GPR141: variants seen among roughly 807,000 people sequenced by gnomAD.
GPR141 encodes the protein probable G protein-coupled receptor 141.
A neutral mutation model predicts 6.8 loss-of-function variants in GPR141; 6 were observed. That is an observed-to-expected ratio of 0.88 (90% CI 0.48 to 1.74). The LOEUF is 1.74. Among genes scored for constraint, GPR141 ranks in the 40% most tolerant of loss-of-function variants. The probability of loss-of-function intolerance (pLI) is 0.01; values close to 1 mark genes in which losing one functional copy is unlikely to be tolerated. For synonymous variants in GPR141, 140 were observed against 142.3 expected (o/e 0.98, Z 0.11); for missense variants, 372 against 372.9 (o/e 1.00, Z 0.02).
chr7:37,708,827 A>G (rs1330423081), intron 2 of GPR141, among the ~76,000 whole-genome samples: 2 of 152,164 alleles, frequency 1.3e-5, no homozygotes, highest in African/African-American at 4.8e-5. Context: ...ATAGATTACA[A>G]TGTGTGTTCA....
intron 2 of GPR141, among the ~76,000 whole-genome samples, chr7:37,726,533 G>A (rs553168233): frequency 1.1e-4 from 16 of 152,248 alleles, no homozygotes; most frequent in African/African-American, 3.1e-4. Context: ...CATTTACAAT[G>A]TTAGAAGAAT....
chr7:37,706,635 C>T (rs1402757496), intron 2 of GPR141, among the ~76,000 whole-genome samples: 2 of 152,120 alleles, frequency 1.3e-5, no homozygotes. Flanking sequence ...ACAAAGGCCA[C>T]ACTTGGCAGA....
chr7:37,716,666 T>C (rs971041562), intron 2 of GPR141, among the ~76,000 whole-genome samples: 2 of 152,232 alleles, frequency 1.3e-5, no homozygotes, highest in South Asian at 4.1e-4. Context: ...AATTTCTTGT[T>C]GGCTGAAAAA....
chr7:37,698,185 A>T (rs1810110607), intron 2 of GPR141, among the ~76,000 whole-genome samples: 1 of 152,224 alleles, frequency 6.6e-6, no homozygotes, highest in East Asian at 1.9e-4. Context: ...GGTCAGCTTC[A>T]TCAAGCCTCA....
intron 2 of GPR141, among the ~76,000 whole-genome samples, chr7:37,690,394 C>T (rs781409385): frequency 5.9e-5 from 9 of 152,008 alleles, no homozygotes; most frequent in Non-Finnish European, 8.8e-5. Context: ...TCGCAAGATC[C>T]ACTCATTTAA....
At chr7:37,735,730 G>A (rs1351809415) in intron 2 of GPR141, among the ~76,000 whole-genome samples, 1 of 152,032 alleles carries the variant, frequency 6.6e-6, no homozygotes, top group Non-Finnish European at 1.5e-5. Context: ...GAAAAAAACA[G>A]ATAATAGAAG....
chr7:37,695,507 A>G (rs1809973700), intron 2 of GPR141, among the ~76,000 whole-genome samples: 1 of 152,146 alleles, frequency 6.6e-6, no homozygotes, highest in South Asian at 2.1e-4. Context: ...TCTCTTGCTC[A>G]CCTTTCTGAC....
chr7:37,698,353 A>T (rs1025356361), intron 2 of GPR141, among the ~76,000 whole-genome samples: 1 of 152,210 alleles, frequency 6.6e-6, no homozygotes, highest in Non-Finnish European at 1.5e-5. Context: ...TTTAGTTTTT[A>T]TAACATCTAT....
intron 2 of GPR141, among the ~76,000 whole-genome samples, chr7:37,719,045 C>T (rs903326000): frequency 2.0e-5 from 3 of 152,188 alleles, no homozygotes; most frequent in Non-Finnish European, 4.4e-5. Context: ...AGAGTTTCAC[C>T]AGACGATTTC....
At position 37,692,080 on chromosome 7, in the gene GPR141, G is replaced by A. The variant is rs142199932; in HGVS notation, c.-15+6497G>A. Among the ~76,000 whole-genome samples, 794 of 152,148 alleles carry A rather than the reference G, an allele frequency of 5.2e-3. 2 individuals carry two copies. The highest frequency in any genetic ancestry group is 6.8e-3 in the Non-Finnish European group (460 of 67,996). On this transcript the variant is annotated intron_variant, in intron 2 of 2. Transcript: ENST00000334425. ...GTTACATAGATATGCATGTGCCATG[G>A]TGGTTTGCTGCACCCATTGACCTGT...
intron 2 of GPR141, among the ~76,000 whole-genome samples, chr7:37,711,246 C>T (rs746387317): frequency 5.9e-5 from 9 of 152,190 alleles, no homozygotes; most frequent in Non-Finnish European, 8.8e-5. Context: ...ACCCCAGAGA[C>T]TCTGTTTCAA....
At chr7:37,692,752 G>T (rs750818969) in intron 2 of GPR141, among the ~76,000 whole-genome samples, 3 of 152,188 alleles carry the variant, frequency 2.0e-5, no homozygotes, top group Non-Finnish European at 4.4e-5. Flanking sequence ...GACCAGTGAT[G>T]ATGAGCTTTT....
At position 37,741,895 on chromosome 7, in the gene GPR141, C is replaced by T. The variant is rs540032690; in HGVS notation, c.*584C>T. ...TGTCTAGAAATCAAGAGAAAAAGAA[C>T]GTGTGGCCTCCTGTTATAACAAGGG... On this transcript the variant is annotated 3_prime_UTR_variant, in exon 3 of 3. Coordinates refer to ENST00000334425, the MANE Select transcript of GPR141 (RefSeq NM_001381946.1). Among the ~76,000 whole-genome samples the T allele has an allele frequency of 7.2e-5, 11 of 152,266 alleles. No homozygotes were observed. The East Asian group carries it at 7.7e-4, about 11-fold the overall frequency.
chr7:37,711,773 T>A (rs1254821063), intron 2 of GPR141, among the ~76,000 whole-genome samples: 2 of 152,218 alleles, frequency 1.3e-5, no homozygotes, highest in Admixed American at 6.5e-5. Context: ...CTACTGCATC[T>A]GTTTAGACAT....
chr7:37,697,448 A>T (rs1026167), intron 2 of GPR141, among the ~76,000 whole-genome samples: 4 of 151,782 alleles, frequency 2.6e-5, no homozygotes, highest in Admixed American at 6.6e-5. Flanking sequence ...AAGCCTTATA[A>T]TACAAATGGA....
At chr7:37,717,135 G>A (rs1811086865) in intron 2 of GPR141, among the ~76,000 whole-genome samples, 1 of 152,350 alleles carries the variant, frequency 6.6e-6, no homozygotes. Context: ...AATTATGTGT[G>A]TCTTCCACTA....
At chr7:37,706,492 G>C (rs1250822141) in intron 2 of GPR141, among the ~76,000 whole-genome samples, 3 of 152,170 alleles carry the variant, frequency 2.0e-5, no homozygotes, top group African/African-American at 7.2e-5. Context: ...CCACCCTGCA[G>C]ATTTCTGTGA....
chr7:37,695,292 C>G (rs998219083), intron 2 of GPR141, among the ~76,000 whole-genome samples: 10 of 152,186 alleles, frequency 6.6e-5, no homozygotes, highest in African/African-American at 2.4e-4. Context: ...AAGACACACT[C>G]CAACATAGTT....
intron 2 of GPR141, among the ~76,000 whole-genome samples, chr7:37,720,508 G>A (rs916897877): frequency 2.6e-5 from 4 of 152,180 alleles, no homozygotes; most frequent in Non-Finnish European, 4.4e-5. Context: ...TTGGGAGGCC[G>A]AAGCAGATGG....
Sources: gnomAD v4.1 joint callset for allele counts (sites outside exome capture counted in the v4.1 genomes callset) on GRCh38, gnomAD v4.1.1 for gene constraint, MANE v1.5 for transcripts, NCBI Gene and HGNC (gene_info 2026-07-23, HGNC 2026-07-21) for gene names.